OR10H1: variants seen among roughly 807,000 people sequenced by gnomAD.
OR10H1 encodes the protein olfactory receptor 10H1.
A neutral mutation model predicts 13.1 loss-of-function variants in OR10H1; 12 were observed. The observed-to-expected ratio is 0.92, with a 90% CI of 0.59 to 1.48. The LOEUF (loss-of-function observed/expected upper bound fraction) is 1.48. Ranked by LOEUF, OR10H1 falls within the 40% of genes most tolerant of loss-of-function variation. The probability of loss-of-function intolerance (pLI) is 0.00; values close to 1 mark genes in which losing one functional copy is unlikely to be tolerated. For missense variants in OR10H1, 363 were observed against 413.1 expected (o/e 0.88, Z 1.05); for synonymous variants, 168 against 175.6 (o/e 0.96, Z 0.34).
At chr19:15,813,040 CA>C (rs2088943505) in intron 1 of OR10H1, among the ~76,000 whole-genome samples, 162 bp from the exon 2 acceptor site, 2 of 151,728 alleles carry the variant, frequency 1.3e-5, no homozygotes, top group Admixed American at 1.3e-4. Context: ...GTGCATTTGT[CA>C]AAACCCAGAG....
intron 1 of OR10H1, among the ~76,000 whole-genome samples, chr19:15,813,373 T>C (rs2088945172): frequency 6.6e-6 from 1 of 151,926 alleles, no homozygotes; most frequent in East Asian, 1.9e-4. Context: ...TGGGCATTGA[T>C]TCACCAGCAG....
At position 15,806,404 on chromosome 19, in the gene OR10H1, G is replaced by A. The variant is rs968408546; in HGVS notation, c.*677C>T. ...AGAGGTTACTATATGTTCATGGATT[G>A]TCTTTCTTTTAGGGGGGAAGGGATA... On this transcript the variant is annotated 3_prime_UTR_variant, in exon 4 of 4. Coordinates refer to ENST00000641419, the MANE Select transcript of OR10H1 (RefSeq NM_013940.4). 2.0e-5 allele frequency: 3 copies of A among 152,208 alleles called. No individual in the cohort carries two copies. Among genetic ancestry groups the A allele is most frequent in the Admixed American group, 1.3e-4 (2 of 15,262 alleles). 9.4% of individuals were successfully genotyped at this position (152,208 alleles called of 1,614,324 possible).
chr19:15,814,476 TGTGTGA>T (rs1236152022), intron 1 of OR10H1, among the ~76,000 whole-genome samples: 51 of 43,084 alleles, frequency 1.2e-3, no homozygotes, highest in African/African-American at 3.8e-3. Context: ...TGTGTGTGTG[TGTGTGA>T]GAGAGAGAGA....
At chr19:15,813,605 A>G (rs2088947083) in intron 1 of OR10H1, among the ~76,000 whole-genome samples, 1 of 147,002 alleles carries the variant, frequency 6.8e-6, no homozygotes, top group Admixed American at 6.8e-5. Context: ...AGATGTGGGG[A>G]AAGAGCACAC....
intron 2 of OR10H1, among the ~76,000 whole-genome samples, chr19:15,810,796 T>A (rs2088928587): frequency 6.6e-6 from 1 of 152,036 alleles, no homozygotes; most frequent in Non-Finnish European, 1.5e-5. Context: ...GCCACTGAAT[T>A]GTATACTTTT....
At position 15,807,366 on chromosome 19, in the gene OR10H1, G is replaced by C. The variant is rs199635047; in HGVS notation, c.672C>G (p.Ala224=). Residue 224 remains alanine, a synonymous_variant, in exon 4 of 4, where the codon GCC becomes GCG. Coordinates refer to ENST00000641419, the MANE Select transcript of OR10H1 (RefSeq NM_013940.4). ...LILLSYAFIV[A]AILKIPSAEG... ...CAGCAGAAGGGATCTTCAAGATGGC[G>C]GCCACGATGAAGGCATAGGAGAGGA... The C allele has an allele frequency of 6.2e-7, 1 of 1,613,192 alleles. No individual in the cohort carries two copies. The highest frequency in any genetic ancestry group is 1.3e-5 in the African/African-American group (1 of 74,388).
chr19:15,814,192 C>T (rs1005065953), intron 1 of OR10H1, among the ~76,000 whole-genome samples: 1 of 152,090 alleles, frequency 6.6e-6, no homozygotes, highest in Admixed American at 6.5e-5. Context: ...TCCCCAGTCA[C>T]GACAATCAGA....
chr19:15,808,166 A>G (rs1334505571), intron 3 of OR10H1, 118 bp from the exon 4 acceptor site: 2 of 766,382 alleles, frequency 2.6e-6, no homozygotes, highest in East Asian at 2.6e-5. Flanking sequence ...TTCCATTCCC[A>G]CTCTGTACCT....
chr19:15,811,287 A>G (rs1426731994), intron 2 of OR10H1, among the ~76,000 whole-genome samples: 1 of 152,208 alleles, frequency 6.6e-6, no homozygotes, highest in Non-Finnish European at 1.5e-5. Context: ...AAGAGGCCAA[A>G]TGGGCGAGAT....
In OR10H1 at chr19:15,809,815, A is replaced by AT. The variant is rs60183470; in HGVS notation, c.-128-975dup. Among the ~76,000 whole-genome samples the AT allele has an allele frequency of 1.7e-3, 249 of 148,786 alleles. 5 individuals are homozygous for AT. Among genetic ancestry groups the AT allele is most frequent in the Admixed American group, 4.3e-3 (64 of 14,944 alleles). ...TTTATGAAACAATTAAATATATTCA[A>AT]TTTTTTTTTTTTCAAAAGACAGGGT... On this transcript the variant is annotated intron_variant, in intron 2 of 3. Transcript: ENST00000641419.
rs1432762248 is a variant in OR10H1 at position 15,808,046 on chromosome 19, T to C, written c.-9A>G. On this transcript the variant is annotated splice_region_variant and 5_prime_UTR_variant, in exon 4 of 4. Transcript: ENST00000641419. ...TGATTGGCTCTCTGCATGGAGGCTG[T>C]GCCTGGGGTGAGATGTGACAGGGAG... 1 of 1,601,722 alleles carries C rather than the reference T, an allele frequency of 6.2e-7. No individual in the cohort carries two copies. Among genetic ancestry groups the C allele is most frequent in the East Asian group, 2.2e-5 (1 of 44,614 alleles).
rs376501432 is a variant in OR10H1 at position 15,815,218 on chromosome 19, G to T, written c.-778+337C>A. Among the ~76,000 whole-genome samples the T allele has an allele frequency of 5.3e-5, 8 of 152,158 alleles. No homozygotes were observed. In the East Asian group the frequency reaches 7.8e-4, roughly 15 times the overall value. ...TAGCCAGGCATGGTGGCACGCACCTGTAGTCCCAGCTACTCAGGAGGCTGA... is the reference window on the plus strand; with the variant it reads ...TAGCCAGGCATGGTGGCACGCACCTTTAGTCCCAGCTACTCAGGAGGCTGA... On this transcript the variant is annotated intron_variant, in intron 1 of 3. Transcript: ENST00000641419.
intron 1 of OR10H1, among the ~76,000 whole-genome samples, chr19:15,814,809 C>T (rs947869273): frequency 3.9e-5 from 6 of 152,162 alleles, no homozygotes; most frequent in African/African-American, 1.4e-4. Context: ...CCGGCCCACC[C>T]TGATTCTTTA....
In OR10H1 at chr19:15,806,969, C is replaced by A; in HGVS notation, c.*112G>T. 1 of 991,544 alleles carries A rather than the reference C, an allele frequency of 1.0e-6. No homozygotes were observed. Among genetic ancestry groups the A allele is most frequent in the East Asian group, 2.4e-5 (1 of 41,742 alleles). The allele number at this position is 991,544 out of a possible 1,614,324, so 61.4% of individuals were successfully genotyped here. On this transcript the variant is annotated 3_prime_UTR_variant, in exon 4 of 4. Coordinates refer to ENST00000641419, the MANE Select transcript of OR10H1 (RefSeq NM_013940.4). ...CTCAAACTCCTGACCTCAGGTGATC[C>A]GCCTGCCTCGGCCTCCCAAAGTGCT...
chr19:15,812,830 T>A lies in OR10H1; in HGVS notation c.-729A>T, dbSNP rs2088942365. 6.6e-6 allele frequency: 1 copy of A among 152,060 alleles called. No individual in the cohort carries two copies. Among genetic ancestry groups the A allele is most frequent in the Non-Finnish European group, 1.5e-5 (1 of 68,014 alleles). 9.4% of individuals were successfully genotyped at this position (152,060 alleles called of 1,614,324 possible). Reference sequence around the variant, plus strand: ...TAGCTGAGGGCTGCATGTAACACCGTCTGGAATGATGGGATGCAGAATGCA... The same window carrying A: ...TAGCTGAGGGCTGCATGTAACACCGACTGGAATGATGGGATGCAGAATGCA... On this transcript the variant is annotated 5_prime_UTR_variant, in exon 2 of 4. Coordinates refer to ENST00000641419, the MANE Select transcript of OR10H1 (RefSeq NM_013940.4).
At chr19:15,809,759 TA>T in intron 2 of OR10H1, among the ~76,000 whole-genome samples, 1 of 152,330 alleles carries the variant, frequency 6.6e-6, no homozygotes, top group South Asian at 2.1e-4. Context: ...CTTTGCTCAG[TA>T]ACTTTAATTT....
At chr19:15,813,707 G>A (rs1396342619) in intron 1 of OR10H1, among the ~76,000 whole-genome samples, 2 of 147,566 alleles carry the variant, frequency 1.4e-5, no homozygotes, top group East Asian at 4.1e-4. Context: ...CAGGGAGAAA[G>A]ACACAGAGAG....
chr19:15,808,808 C>A lies in OR10H1; in HGVS notation c.-95G>T, dbSNP rs2088917817. 1 of 152,084 alleles carries A rather than the reference C, an allele frequency of 6.6e-6. No homozygotes were observed. The highest frequency in any genetic ancestry group is 1.5e-5 in the Non-Finnish European group (1 of 67,996). 9.4% of individuals were successfully genotyped at this position (152,084 alleles called of 1,614,324 possible). A position where few individuals can be genotyped will look rare whatever the true frequency, so the allele number is the denominator to read the frequency against. On this transcript the variant is annotated 5_prime_UTR_variant, in exon 3 of 4. Coordinates refer to ENST00000641419, the MANE Select transcript of OR10H1 (RefSeq NM_013940.4). ...GAGGTTGCAGTAAGCCGAGATGGCG[C>A]CACTGGACTCCACCCTGGCGACAGA...
chr19:15,807,558 G>A lies in OR10H1; in HGVS notation c.480C>T (p.Thr160=). The A allele has an allele frequency of 6.2e-7, 1 of 1,614,230 alleles. No homozygotes were observed. Among genetic ancestry groups the A allele is most frequent in the Non-Finnish European group, 8.5e-7 (1 of 1,180,042 alleles). Residue 160 remains threonine (T), a synonymous_variant, in exon 4 of 4, where the codon ACC becomes ACT. Transcript: ENST00000641419. ...AGGLVMGMVV[T]SAIFHLAFCG... ...AGAAGGCGAGGTGGAAAATGGCCGA[G>A]GTCACCACCATCCCCATGACCAAGC...
Sources: gnomAD v4.1 joint callset for allele counts (sites outside exome capture counted in the v4.1 genomes callset) on GRCh38, gnomAD v4.1.1 for gene constraint, MANE v1.5 for transcripts, NCBI Gene and HGNC (gene_info 2026-07-23, HGNC 2026-07-21) for gene names.